MTUS2: variants seen among roughly 807,000 people sequenced by gnomAD.
MTUS2 encodes microtubule-associated tumor suppressor candidate 2.
In MTUS2, 40 loss-of-function variants were observed where a neutral mutation model predicts 114.1. The ratio of observed to expected loss-of-function variants is 0.35; its 90% confidence interval spans 0.27 to 0.46. The LOEUF is 0.46. Among genes scored for constraint, MTUS2 ranks in the 20% least tolerant of loss-of-function variants. MTUS2 has a pLI of 1.00. For synonymous variants in MTUS2, 688 were observed against 672.0 expected (o/e 1.02, Z -0.37); for missense variants, 1,679 against 1,705.4 (o/e 0.98, Z 0.27).
chr13:29,210,802 GT>G (rs1445226597), intron 5 of MTUS2, among the ~76,000 whole-genome samples: 3 of 152,148 alleles, frequency 2.0e-5, no homozygotes, highest in African/African-American at 7.2e-5. Context: ...TCAGCCGTGA[GT>G]ACGAGCACCT....
chr13:29,455,513 A>G (rs1003119177), intron 9 of MTUS2, among the ~76,000 whole-genome samples: 1 of 152,196 alleles, frequency 6.6e-6, no homozygotes, highest in Non-Finnish European at 1.5e-5. Flanking sequence ...GACAGAATCA[A>G]AGGAATCCAG....
chr13:29,477,048 G>C (rs1264747632), intron 9 of MTUS2: 1 of 152,208 alleles, frequency 6.6e-6, no homozygotes, highest in East Asian at 1.9e-4. Context: ...GAATTTTAGA[G>C]GAAAGAGCAC....
chr13:29,333,099 A>G (rs1900876105), intron 7 of MTUS2, among the ~76,000 whole-genome samples: 1 of 152,088 alleles, frequency 6.6e-6, no homozygotes, highest in Non-Finnish European at 1.5e-5. Context: ...CAAAGAACTT[A>G]TTTATTTTTG....
chr13:28,936,701 T>G (rs1191068032), intron 2 of MTUS2, among the ~76,000 whole-genome samples: 1 of 152,178 alleles, frequency 6.6e-6, no homozygotes, highest in Non-Finnish European at 1.5e-5. Context: ...CATCAGGCAT[T>G]TCCGGTGTCC....
At chr13:29,132,197 A>T (rs572037199) in intron 5 of MTUS2, among the ~76,000 whole-genome samples, 83 of 152,330 alleles carry the variant, frequency 5.4e-4, no homozygotes, top group African/African-American at 1.8e-3. Flanking sequence ...ATAAAGTAAA[A>T]TCTTTACTGA....
chr13:29,201,505 A>G (rs1894958167), intron 5 of MTUS2, among the ~76,000 whole-genome samples: 1 of 152,176 alleles, frequency 6.6e-6, no homozygotes, highest in Non-Finnish European at 1.5e-5. Flanking sequence ...TAGCCCATTT[A>G]CATTTATGGT....
intron 8 of MTUS2, among the ~76,000 whole-genome samples, chr13:29,382,779 G>A (rs923140267): frequency 5.3e-5 from 8 of 152,272 alleles, no homozygotes; most frequent in African/African-American, 1.2e-4. Context: ...AATTGGCCTC[G>A]TTTGTGAGAT....
chr13:29,308,102 A>G (rs895026665), intron 6 of MTUS2, among the ~76,000 whole-genome samples: 1 of 152,236 alleles, frequency 6.6e-6, no homozygotes, highest in African/African-American at 2.4e-5. Context: ...AGCCAAGACA[A>G]TTCTAACCAA....
chr13:28,986,736 G>A (rs1308201361), intron 2 of MTUS2, among the ~76,000 whole-genome samples: 6 of 152,194 alleles, frequency 3.9e-5, no homozygotes. Context: ...TGTGTCTGCT[G>A]ATGTGTGTTC....
intron 2 of MTUS2, among the ~76,000 whole-genome samples, chr13:28,976,186 A>C (rs1593349213): frequency 6.8e-6 from 1 of 147,762 alleles, no homozygotes; most frequent in South Asian, 2.2e-4. Flanking sequence ...TTTAGATGAC[A>C]GAATGAGACC....
intron 1 of MTUS2, among the ~76,000 whole-genome samples, chr13:28,822,482 G>A (rs1289292328): frequency 2.6e-5 from 4 of 152,188 alleles, no homozygotes; most frequent in Non-Finnish European, 1.5e-5. Context: ...TGTAATAGAA[G>A]ACTGTTATGC....
At chr13:29,049,129 A>G (rs1242411731) in intron 4 of MTUS2, among the ~76,000 whole-genome samples, 1 of 152,222 alleles carries the variant, frequency 6.6e-6, no homozygotes, top group Non-Finnish European at 1.5e-5. Context: ...TTAGGCTGAA[A>G]AAGCAAATGG....
chr13:29,276,517 G>A (rs1191905732), intron 5 of MTUS2, among the ~76,000 whole-genome samples: 5 of 152,208 alleles, frequency 3.3e-5, no homozygotes, highest in Admixed American at 2.0e-4. Flanking sequence ...GGAAAATGGT[G>A]TGATGGAAGT....
At chr13:29,019,857 A>G (rs1428512434) in intron 2 of MTUS2, among the ~76,000 whole-genome samples, 1 of 152,360 alleles carries the variant, frequency 6.6e-6, no homozygotes, top group Non-Finnish European at 1.5e-5. Flanking sequence ...CTTAGAGGAA[A>G]GCTGTTTGGA....
At chr13:28,961,249 A>G (rs895958574) in intron 2 of MTUS2, among the ~76,000 whole-genome samples, 2 of 152,198 alleles carry the variant, frequency 1.3e-5, no homozygotes, top group African/African-American at 4.8e-5. Flanking sequence ...TGTTCAAGAT[A>G]GAAACTTTCA....
At chr13:28,869,790 A>C (rs1247835081) in intron 2 of MTUS2, among the ~76,000 whole-genome samples, 3 of 152,070 alleles carry the variant, frequency 2.0e-5, no homozygotes, top group South Asian at 2.1e-4. Context: ...CAAAACAAAC[A>C]AAAAAAGTAG....
At chr13:29,387,985 A>G (rs1352257216) in intron 8 of MTUS2, among the ~76,000 whole-genome samples, 1 of 152,166 alleles carries the variant, frequency 6.6e-6, no homozygotes, top group Non-Finnish European at 1.5e-5. Flanking sequence ...TTCACTCTGA[A>G]CATGTGTTTA....
At chr13:29,266,446 A>G (rs1414625448) in intron 5 of MTUS2, among the ~76,000 whole-genome samples, 3 of 152,194 alleles carry the variant, frequency 2.0e-5, no homozygotes, top group Non-Finnish European at 4.4e-5. Flanking sequence ...AAACGATGAC[A>G]GAAGAAAATT....
At chr13:29,101,471 G>C (rs1027108816) in intron 5 of MTUS2, among the ~76,000 whole-genome samples, 2 of 152,182 alleles carry the variant, frequency 1.3e-5, no homozygotes, top group African/African-American at 4.8e-5. Flanking sequence ...CCATGCCCAG[G>C]AAGATCTCCA....
Sources: allele counts gnomAD v4.1 joint callset (sites outside exome capture counted in the v4.1 genomes callset), GRCh38; gene constraint gnomAD v4.1.1; transcripts MANE v1.5; gene names NCBI Gene and HGNC (gene_info 2026-07-23, HGNC 2026-07-21).